The following NARS2 variants were observed in gnomAD, a reference collection of about 807,000 sequenced individuals.
NARS2 encodes the protein asparaginyl-tRNA synthetase 2, mitochondrial.
Under a neutral mutation model 62.9 loss-of-function variants are expected in NARS2, and 60 were observed. That is an observed-to-expected ratio of 0.95 (90% CI 0.77 to 1.18). The LOEUF (loss-of-function observed/expected upper bound fraction) is 1.18. NARS2 is among the 50% of genes most tolerant of loss of function. The pLI is 0.00. For synonymous variants in NARS2, 196 were observed against 200.0 expected, an observed-to-expected ratio of 0.98 and a Z score of 0.17; for missense variants, 619 against 576.4, an observed-to-expected ratio of 1.07 and a Z score of -0.76.
rs542853828 is a variant in NARS2, at chr11:78,513,253, T to C, written c.689+15589A>G. 3.5e-4 allele frequency among the ~76,000 whole-genome samples: 53 copies of C among 151,988 alleles called. No individual in the cohort carries two copies. In the South Asian group the frequency reaches 3.7e-3, roughly 11 times the overall value. ...TGACGGAGTGAGACTGTCTCAAAAA[T>C]AAAATAAAATGTACAATTAAGTTAT... On this transcript the variant is annotated intron_variant, in intron 6 of 13. Transcript: ENST00000281038.
intron 6 of NARS2, among the ~76,000 whole-genome samples, chr11:78,515,396 G>A (rs1049059270): frequency 6.6e-6 from 1 of 152,188 alleles, no homozygotes; most frequent in Non-Finnish European, 1.5e-5. Flanking sequence ...GGGGGTAGGA[G>A]AAAATGGGAA....
At chr11:78,480,774 A>G (rs1428506733) in intron 7 of NARS2, among the ~76,000 whole-genome samples, 1 of 151,976 alleles carries the variant, frequency 6.6e-6, no homozygotes, top group Non-Finnish European at 1.5e-5. Flanking sequence ...ATTAAAGTAA[A>G]CTTTCTAAGG....
chr11:78,557,359 C>T (rs1458262934), intron 5 of NARS2, among the ~76,000 whole-genome samples: 1 of 152,166 alleles, frequency 6.6e-6, no homozygotes, highest in Non-Finnish European at 1.5e-5. Flanking sequence ...CTTCTACAGG[C>T]AGCCAGGAGG....
At chr11:78,519,003 C>A (rs1861015891) in intron 6 of NARS2, among the ~76,000 whole-genome samples, 2 of 152,142 alleles carry the variant, frequency 1.3e-5, no homozygotes, top group Non-Finnish European at 2.9e-5. Context: ...GAAACGCAAA[C>A]ATGCAAGACA....
At chr11:78,454,449 T>C (rs1317567143) in intron 11 of NARS2, among the ~76,000 whole-genome samples, 1 of 152,190 alleles carries the variant, frequency 6.6e-6, no homozygotes, top group Admixed American at 6.5e-5. Flanking sequence ...GCTTCCCTTC[T>C]TTCTTGCTCT....
intron 6 of NARS2, among the ~76,000 whole-genome samples, chr11:78,508,599 A>C (rs1249196637): frequency 1.3e-5 from 2 of 151,472 alleles, no homozygotes; most frequent in East Asian, 1.9e-4. Flanking sequence ...AAAAAAAAAA[A>C]CAAAAAACAA....
rs535535559 is a variant in NARS2, at chr11:78,487,429, CGTT to C, written c.822+5631_822+5633del. On this transcript the variant is annotated intron_variant, in intron 7 of 13. Transcript: ENST00000281038. ...AGAAAGAAAGACAGACAGACAGACT[CGTT>C]AATAATAAGCAGAGCATCACAGCAC... is the stretch of plus-strand genomic sequence containing the variant. Among the ~76,000 whole-genome samples the C allele has an allele frequency of 6.2e-4, 94 of 151,020 alleles. 1 individual carries two copies. In the South Asian group the frequency reaches 0.018, roughly 29 times the overall value.
At chr11:78,552,433 G>C (rs1321350809) in intron 5 of NARS2, among the ~76,000 whole-genome samples, 2 of 152,108 alleles carry the variant, frequency 1.3e-5, no homozygotes, top group African/African-American at 4.8e-5. Flanking sequence ...TTGCTATTGT[G>C]AACAGTGAGG....
chr11:78,476,244 C>T (rs1280278018), intron 9 of NARS2, among the ~76,000 whole-genome samples: 7 of 152,216 alleles, frequency 4.6e-5, no homozygotes, highest in Non-Finnish European at 7.3e-5. Context: ...GACTAAGATC[C>T]GTGTACTGGT....
chr11:78,449,391 C>A (rs527998022), intron 11 of NARS2, among the ~76,000 whole-genome samples: 6 of 152,134 alleles, frequency 3.9e-5, no homozygotes, highest in African/African-American at 2.4e-5. Flanking sequence ...CCTGCCTCAG[C>A]CTCCCAAAGT....
chr11:78,566,356 C>A (rs890843725), intron 3 of NARS2, 84 bp from the exon 4 acceptor site: 3 of 1,094,508 alleles, frequency 2.7e-6, no homozygotes, highest in East Asian at 2.7e-5. Context: ...TCTTAAATAG[C>A]GCTTTGGAAC....
intron 7 of NARS2, among the ~76,000 whole-genome samples, chr11:78,490,228 T>C (rs1196925726): frequency 1.3e-5 from 2 of 152,162 alleles, no homozygotes; most frequent in African/African-American, 2.4e-5. Flanking sequence ...TGAAGCTACC[T>C]CCTTGCCCAG....
At chr11:78,470,356 T>C (rs1321714596) in intron 9 of NARS2, among the ~76,000 whole-genome samples, 1 of 152,176 alleles carries the variant, frequency 6.6e-6, no homozygotes. Context: ...CTCCCTTCCA[T>C]TGCGGTTCCA....
chr11:78,480,407 A>T (rs752223504), intron 7 of NARS2, among the ~76,000 whole-genome samples: 4 of 151,978 alleles, frequency 2.6e-5, no homozygotes, highest in African/African-American at 4.8e-5. Flanking sequence ...GGTGTGTGTC[A>T]CCACGCCTAG....
At chr11:78,490,458 A>T (rs1401196505) in intron 7 of NARS2, among the ~76,000 whole-genome samples, 1 of 152,222 alleles carries the variant, frequency 6.6e-6, no homozygotes, top group East Asian at 1.9e-4. Context: ...AGCTTAAGAA[A>T]CTAGCCTAAA....
Position 78,520,225 on chromosome 11 carries a change from G to A in NARS2, c.689+8617C>T, listed in dbSNP as rs529408744. ...CTGAAATCAAAGTGCCAGCAAGGTT[G>A]TGCTTCCTCTGAAGATTCTAGGGAA... On this transcript the variant is annotated intron_variant, in intron 6 of 13. Transcript: ENST00000281038. Among the ~76,000 whole-genome samples the A allele has an allele frequency of 1.0e-3, 158 of 152,244 alleles. 1 individual carries two copies. Among genetic ancestry groups the A allele is most frequent in the Middle Eastern group, 6.8e-3 (2 of 294 alleles).
chr11:78,479,069 C>T (rs866546991), intron 7 of NARS2, among the ~76,000 whole-genome samples: 1 of 152,124 alleles, frequency 6.6e-6, no homozygotes, highest in Non-Finnish European at 1.5e-5. Context: ...ATGTGTCACA[C>T]TTAGCTTAGT....
intron 6 of NARS2, among the ~76,000 whole-genome samples, chr11:78,516,804 T>G (rs1860928773): frequency 6.6e-6 from 1 of 152,254 alleles, no homozygotes; most frequent in Non-Finnish European, 1.5e-5. Flanking sequence ...AATAGATAAC[T>G]GTCTTTATTT....
intron 5 of NARS2, among the ~76,000 whole-genome samples, chr11:78,544,676 C>A (rs111477188): frequency 6.6e-6 from 1 of 151,960 alleles, no homozygotes; most frequent in Non-Finnish European, 1.5e-5. Context: ...TGCCTGTAGT[C>A]CCAGCTACTC....
Sources: allele counts gnomAD v4.1 joint callset (sites outside exome capture counted in the v4.1 genomes callset), GRCh38; gene constraint gnomAD v4.1.1; transcripts MANE v1.5; gene names NCBI Gene and HGNC (gene_info 2026-07-23, HGNC 2026-07-21).